Variants in AFAP1 observed in about 807,000 individuals in gnomAD.
The protein encoded by AFAP1 is actin filament associated protein 1, also known as actin filament-associated protein 1.
AFAP1 carries 75 observed loss-of-function variants against 93.9 expected under a neutral mutation model. The observed-to-expected ratio is 0.80, with a 90% CI of 0.66 to 0.97. AFAP1 has a LOEUF of 0.97. AFAP1 is among the 50% of genes least tolerant of loss of function. AFAP1 has a pLI of 0.00. For synonymous variants in AFAP1, 517 were observed against 430.7 expected (o/e 1.20, Z -2.48); for missense variants, 1,201 against 1,050.8 (o/e 1.14, Z -1.98).
At position 7,774,905 on chromosome 4, in the gene AFAP1, T is replaced by G; in HGVS notation, c.1898-2A>C. 6.3e-7 allele frequency: 1 copy of G among 1,599,900 alleles called. No homozygotes were observed. The highest frequency in any genetic ancestry group is 2.2e-5 in the East Asian group (1 of 44,782). ...TGCCATACTTGTACTGGGCAGCATC[T>G]TGAGAAGAAAAAAAAGCAGCAATTA... On this transcript the variant is annotated splice_acceptor_variant, in intron 14 of 17. Coordinates refer to ENST00000420658, the MANE Select transcript of AFAP1 (RefSeq NM_001134647.2). LOFTEE classifies it high-confidence loss of function.
At chr4:7,807,727 T>C (rs1049537808) in intron 9 of AFAP1, among the ~76,000 whole-genome samples, 15 of 152,232 alleles carry the variant, frequency 9.9e-5, no homozygotes, top group African/African-American at 2.7e-4. Flanking sequence ...GACAACTTCA[T>C]TGTGTCCACC....
chr4:7,811,193 G>A (rs1252559592), intron 8 of AFAP1, among the ~76,000 whole-genome samples: 1 of 152,170 alleles, frequency 6.6e-6, no homozygotes, highest in African/African-American at 2.4e-5. Context: ...TCTCAGTGTC[G>A]TGGGCAAACC....
chr4:7,931,087 A>G (rs1371913460), intron 1 of AFAP1, among the ~76,000 whole-genome samples: 2 of 152,154 alleles, frequency 1.3e-5, no homozygotes, highest in Non-Finnish European at 2.9e-5. Flanking sequence ...GATAGGGGAG[A>G]AAAACGTGGG....
chr4:7,850,417 T>G (rs1183906472), intron 4 of AFAP1, among the ~76,000 whole-genome samples: 1 of 151,658 alleles, frequency 6.6e-6, no homozygotes, highest in Non-Finnish European at 1.5e-5. Flanking sequence ...TTTCAACCAA[T>G]CCCCCTGGAG....
chr4:7,771,620 C>T lies in AFAP1; in HGVS notation c.2253+1200G>A, dbSNP rs372127016. ...AAGCGTCCACACACAGTCTATGCAG[C>T]GACCGTTATTATTTACAGATGAAAA... is the stretch of plus-strand genomic sequence containing the variant. On this transcript the variant is annotated intron_variant, in intron 16 of 17. Transcript: ENST00000420658. 6.6e-5 allele frequency among the ~76,000 whole-genome samples: 10 copies of T among 152,260 alleles called. No individual in the cohort carries two copies. The South Asian group carries it at 1.0e-3, about 16-fold the overall frequency.
chr4:7,770,255 C>G (rs779047567), intron 16 of AFAP1, among the ~76,000 whole-genome samples: 1 of 152,020 alleles, frequency 6.6e-6, no homozygotes, highest in Non-Finnish European at 1.5e-5. Flanking sequence ...AAGGCAGGAG[C>G]TGGAGAAGGG....
At chr4:7,816,729 G>C (rs956747854) in intron 7 of AFAP1, among the ~76,000 whole-genome samples, 1 of 152,202 alleles carries the variant, frequency 6.6e-6, no homozygotes, top group Non-Finnish European at 1.5e-5. Context: ...AGAACCTGTG[G>C]GGTCATAGCG....
chr4:7,794,133 G>A (rs755879356), intron 10 of AFAP1, among the ~76,000 whole-genome samples: 18 of 152,128 alleles, frequency 1.2e-4, no homozygotes, highest in Non-Finnish European at 2.4e-4. Flanking sequence ...ATTGCATCCC[G>A]GCTGAAGGAA....
intron 1 of AFAP1, chr4:7,938,927 G>C (rs561429258): frequency 6.6e-6 from 1 of 152,032 alleles, no homozygotes; most frequent in Admixed American, 6.6e-5. Context: ...CGACAGCTCC[G>C]GGCCCGCGCC....
intron 6 of AFAP1, among the ~76,000 whole-genome samples, chr4:7,819,657 G>A (rs1560178863): frequency 6.6e-6 from 1 of 152,226 alleles, no homozygotes. Context: ...TGCGGTGGAT[G>A]TGAAGAGTTG....
Position 7,846,228 on chromosome 4 carries a change from AAT to A in AFAP1, c.335-2880_335-2879del, listed in dbSNP as rs796316299. Among the ~76,000 whole-genome samples, 80 of 152,308 alleles carry A rather than the reference AAT, an allele frequency of 5.3e-4. 1 individual carries two copies. Among genetic ancestry groups the A allele is most frequent in the African/African-American group, 1.9e-3 (78 of 41,578 alleles). ...CTGACAGTGTTCTACCCTTGACTTG[AAT>A]GGTGGTTACACAGATGGCTTCTTTA... is the stretch of plus-strand genomic sequence containing the variant. On this transcript the variant is annotated intron_variant, in intron 4 of 17. Transcript: ENST00000420658.
intron 3 of AFAP1, among the ~76,000 whole-genome samples, chr4:7,864,988 A>G (rs930300353): frequency 1.4e-4 from 21 of 152,190 alleles, no homozygotes; most frequent in African/African-American, 4.8e-4. Flanking sequence ...TTAAACAAAC[A>G]AAAGTACCTT....
At chr4:7,801,780 T>C (rs939586458) in intron 9 of AFAP1, among the ~76,000 whole-genome samples, 8 of 151,686 alleles carry the variant, frequency 5.3e-5, no homozygotes, top group Non-Finnish European at 4.4e-5. Context: ...ACAAAATACA[T>C]CCTTTCCAAT....
intron 1 of AFAP1, among the ~76,000 whole-genome samples, chr4:7,898,889 A>G (rs1441198516): frequency 6.8e-6 from 1 of 146,392 alleles, no homozygotes; most frequent in Non-Finnish European, 1.5e-5. Context: ...GTGTGTGTAT[A>G]TACAGAGAGG....
At chr4:7,860,289 G>T (rs1009580061) in intron 3 of AFAP1, among the ~76,000 whole-genome samples, 3 of 148,492 alleles carry the variant, frequency 2.0e-5, no homozygotes, top group African/African-American at 7.4e-5. Flanking sequence ...GTATATGTGT[G>T]ACAGGGGGGT....
chr4:7,886,986 C>T (rs1718174466), intron 1 of AFAP1, among the ~76,000 whole-genome samples: 1 of 152,176 alleles, frequency 6.6e-6, no homozygotes, highest in African/African-American at 2.4e-5. Context: ...TCCAAGGGCT[C>T]ACAACCTAGA....
chr4:7,873,811 G>A (rs1717284542), intron 1 of AFAP1, among the ~76,000 whole-genome samples: 1 of 152,142 alleles, frequency 6.6e-6, no homozygotes, highest in Non-Finnish European at 1.5e-5. Flanking sequence ...CTTTACTGGA[G>A]AGAGTGAATG....
intron 12 of AFAP1, among the ~76,000 whole-genome samples, chr4:7,782,637 G>T (rs1716889472): frequency 1.3e-5 from 2 of 152,130 alleles, no homozygotes; most frequent in South Asian, 4.1e-4. Flanking sequence ...AGGGGTAAAG[G>T]TCTTTATAAA....
chr4:7,839,792 G>A (rs902482685), intron 5 of AFAP1, among the ~76,000 whole-genome samples: 1 of 152,074 alleles, frequency 6.6e-6, no homozygotes, highest in African/African-American at 2.4e-5. Context: ...ACTACTTGGG[G>A]CCAAAGCATA....
Sources: allele counts gnomAD v4.1 joint callset (sites outside exome capture counted in the v4.1 genomes callset), GRCh38; gene constraint gnomAD v4.1.1; transcripts MANE v1.5; gene names NCBI Gene and HGNC (gene_info 2026-07-23, HGNC 2026-07-21).